The following FBXO4 variants were observed in gnomAD, a reference collection of about 807,000 sequenced individuals.
FBXO4 encodes F-box protein 4, also known as F-box only protein 4.
Under a neutral mutation model 43.7 loss-of-function variants are expected in FBXO4, and 36 were observed. The ratio of observed to expected loss-of-function variants is 0.82; its 90% CI spans 0.63 to 1.09. The LOEUF (loss-of-function observed/expected upper bound fraction) is 1.09. Ranked by LOEUF, FBXO4 falls within the 50% of genes least tolerant of loss-of-function variation. The pLI, the probability that FBXO4 is intolerant of heterozygous loss-of-function variation, is 0.00. For missense variants in FBXO4, 435 were observed against 474.1 expected, an observed-to-expected ratio of 0.92 and a Z score of 0.77; for synonymous variants, 180 against 165.6, an observed-to-expected ratio of 1.09 and a Z score of -0.67.
the FBXO4 span, among the ~76,000 whole-genome samples, chr5:42,024,405 A>G: frequency 6.6e-6 from 1 of 151,406 alleles, no homozygotes; most frequent in Admixed American, 6.6e-5. Flanking sequence ...TTAAAATTTT[A>G]TATGTTCTTT....
chr5:41,947,805 A>G, the FBXO4 span, among the ~76,000 whole-genome samples: 1 of 152,174 alleles, frequency 6.6e-6, no homozygotes, highest in South Asian at 2.1e-4. Flanking sequence ...TAGTTTCTAC[A>G]GTGTAATCAT....
At chr5:41,976,064 C>T in the FBXO4 span, among the ~76,000 whole-genome samples, 1 of 152,066 alleles carries the variant, frequency 6.6e-6, no homozygotes, top group Admixed American at 6.6e-5. Context: ...CATGAACTAC[C>T]AGAATGAGAA....
the FBXO4 span, among the ~76,000 whole-genome samples, chr5:42,033,665 A>G: frequency 1.3e-5 from 2 of 152,104 alleles, no homozygotes; most frequent in African/African-American, 2.4e-5. Context: ...TTTGCTGAGG[A>G]TGATGGCTTA....
In FBXO4 at chr5:41,941,548, A is replaced by T. The variant is rs1752006027; in HGVS notation, c.*267A>T. ...TTTTATATTTTCTGTCTTTTTAAAA[A>T]TATTAAATTCTGGAAAAAACAAGTT... On this transcript the variant is annotated 3_prime_UTR_variant, in exon 7 of 7. Transcript: ENST00000281623. 9.1e-6 allele frequency: 2 copies of T among 218,712 alleles called. No individual in the cohort carries two copies. The highest frequency in any genetic ancestry group is 2.1e-4 in the South Asian group (2 of 9,732). 13.5% of individuals were successfully genotyped at this position (218,712 alleles called of 1,614,324 possible). A position where few individuals can be genotyped will look rare whatever the true frequency, so the allele number is the denominator to read the frequency against.
intron 1 of FBXO4, 69 bp downstream of exon 1, chr5:41,925,567 C>T (rs1316499259): frequency 5.8e-6 from 7 of 1,198,032 alleles, no homozygotes; most frequent in Non-Finnish European, 7.4e-6. Flanking sequence ...CCCCTGGAGC[C>T]CCCCGGGGCC....
intron 2 of FBXO4, among the ~76,000 whole-genome samples, chr5:41,927,821 GGTTCATGGAGGTTAT>G (rs1751554791): frequency 6.6e-6 from 1 of 152,116 alleles, no homozygotes; most frequent in South Asian, 2.1e-4. Flanking sequence ...GTGGAATTAA[GGTTCATGGAGGTTAT>G]GTGATTTGCC....
At chr5:41,976,485 G>A in the FBXO4 span, among the ~76,000 whole-genome samples, 5 of 152,180 alleles carry the variant, frequency 3.3e-5, no homozygotes, top group Admixed American at 6.5e-5. Flanking sequence ...CCAAAAGGGA[G>A]AAATTGGCCA....
At chr5:41,943,107 T>C (rs147997185), downstream of FBXO4, among the ~76,000 whole-genome samples, 1 of 152,162 alleles carries the variant, frequency 6.6e-6, no homozygotes, top group African/African-American at 2.4e-5. Flanking sequence ...AGAAAAGAAT[T>C]CTATTATAAT....
the FBXO4 span, among the ~76,000 whole-genome samples, chr5:41,998,361 G>A: frequency 1.3e-5 from 2 of 152,176 alleles, no homozygotes; most frequent in Non-Finnish European, 2.9e-5. Flanking sequence ...GGTTAAGGGT[G>A]TATCTCCTGA....
At chr5:41,961,998 T>C in the FBXO4 span, among the ~76,000 whole-genome samples, 5 of 152,304 alleles carry the variant, frequency 3.3e-5, no homozygotes, top group South Asian at 1.0e-3. Context: ...CTTTTCTATG[T>C]GCATATTCCC....
At chr5:42,023,349 T>C in the FBXO4 span, among the ~76,000 whole-genome samples, 13 of 152,070 alleles carry the variant, frequency 8.5e-5, no homozygotes. Context: ...AGCATCTCTG[T>C]TACCTTTGGG....
chr5:42,008,268 A>C, the FBXO4 span, among the ~76,000 whole-genome samples: 1 of 152,118 alleles, frequency 6.6e-6, no homozygotes, highest in African/African-American at 2.4e-5. Flanking sequence ...ATGAGGAGCA[A>C]AGTATTGAGG....
At chr5:41,952,106 G>A in the FBXO4 span, 3 of 181,122 alleles carry the variant, frequency 1.7e-5, no homozygotes, top group Admixed American at 5.5e-5. Flanking sequence ...AGTCAAGGAT[G>A]GTGCCACCTG....
intron 1 of FBXO4, 64 bp from the exon 2 acceptor site, chr5:41,926,949 G>A (rs1302619031): frequency 1.0e-6 from 1 of 963,086 alleles, no homozygotes; most frequent in African/African-American, 1.6e-5. Context: ...TGATTATGTG[G>A]TTTATCACCC....
chr5:41,978,041 A>G, the FBXO4 span, among the ~76,000 whole-genome samples: 4 of 152,190 alleles, frequency 2.6e-5, no homozygotes, highest in African/African-American at 9.6e-5. Flanking sequence ...AATGAGAAAC[A>G]TGGTGCCAAC....
At chr5:42,022,683 G>T in the FBXO4 span, among the ~76,000 whole-genome samples, 1 of 152,036 alleles carries the variant, frequency 6.6e-6, no homozygotes, top group African/African-American at 2.4e-5. Context: ...CCAAAGTGAG[G>T]TTGGATATTT....
At chr5:41,963,583 G>A in the FBXO4 span, among the ~76,000 whole-genome samples, 2 of 151,996 alleles carry the variant, frequency 1.3e-5, no homozygotes, top group Non-Finnish European at 2.9e-5. Context: ...ATTTTGTCTT[G>A]TATTCTTACA....
the FBXO4 span, among the ~76,000 whole-genome samples, chr5:41,987,932 A>G: frequency 6.6e-6 from 1 of 152,172 alleles, no homozygotes; most frequent in Admixed American, 6.5e-5. Context: ...TAGTGGTTTT[A>G]AATTCCTGGT....
chr5:41,973,368 A>G, the FBXO4 span, among the ~76,000 whole-genome samples: 1 of 152,280 alleles, frequency 6.6e-6, no homozygotes, highest in East Asian at 1.9e-4. Context: ...CCACAATGAG[A>G]TATTATCTCA....
Sources: gnomAD v4.1 joint callset for allele counts (sites outside exome capture counted in the v4.1 genomes callset) on GRCh38, gnomAD v4.1.1 for gene constraint, MANE v1.5 for transcripts, NCBI Gene and HGNC (gene_info 2026-07-23, HGNC 2026-07-21) for gene names.